The following TFEB variants were observed in gnomAD, a reference collection of about 807,000 sequenced individuals.
TFEB encodes the protein transcription factor EB.
In TFEB, 12 loss-of-function variants were observed where a neutral mutation model predicts 48.0. The observed-to-expected ratio is 0.25, with a 90% confidence interval of 0.16 to 0.40. TFEB has a LOEUF of 0.40. TFEB is among the 10% of genes least tolerant of loss of function. The probability of loss-of-function intolerance (pLI) is 1.00; values close to 1 mark genes in which losing one functional copy is unlikely to be tolerated. For missense variants in TFEB, 509 were observed against 640.3 expected (o/e 0.79, Z 2.21); for synonymous variants, 244 against 261.4 (o/e 0.93, Z 0.64).
chr6:41,714,541 T>TC (rs1192716990), intron 1 of TFEB, among the ~76,000 whole-genome samples: 2 of 152,198 alleles, frequency 1.3e-5, no homozygotes. Context: ...AGGTGCGGCC[T>TC]TGATGGTATC....
At chr6:41,702,140 GC>G (rs1158766170) in intron 1 of TFEB, among the ~76,000 whole-genome samples, 1 of 151,712 alleles carries the variant, frequency 6.6e-6, no homozygotes. Context: ...CCAGTCCTGC[GC>G]CCCCCTCATC....
At position 41,686,266 on chromosome 6, in the gene TFEB, G is replaced by A. The variant is rs891994588; in HGVS notation, c.804-29C>T. The stretch of plus-strand genomic sequence containing the variant: ...CAGCAGCAGGCCAGGCAAATTAGAG[G>A]TGCATGCTCAGAAGAGTGGCCAAAT... On this transcript the variant is annotated intron_variant, in intron 7 of 8. Coordinates refer to ENST00000373033, the MANE Select transcript of TFEB (RefSeq NM_001271944.2). 45 of 1,612,300 alleles carry A rather than the reference G, an allele frequency of 2.8e-5. No homozygotes were observed. The African/African-American group carries it at 5.5e-4, about 20-fold the overall frequency.
At position 41,697,408 on chromosome 6, in the gene TFEB, CAAA is replaced by C. The variant is rs56059829; in HGVS notation, c.-22-6176_-22-6174del. 6.1e-4 allele frequency among the ~76,000 whole-genome samples: 39 copies of C among 63,504 alleles called. 1 individual carries two copies. Among genetic ancestry groups the C allele is most frequent in the Admixed American group, 8.0e-4 (4 of 4,990 alleles). 41.7% of individuals were successfully genotyped at this position (63,504 alleles called of 152,430 possible). A position where few individuals can be genotyped will look rare whatever the true frequency, so the allele number is the denominator to read the frequency against. On this transcript the variant is annotated intron_variant, in intron 1 of 8. Transcript: ENST00000373033. ...GGGCAACAAGAGTGAAACTCCATCTCAAAAAAAAAAAAAAAAAAAGAATGAGGG... is the reference window on the plus strand; with the variant it reads ...GGGCAACAAGAGTGAAACTCCATCTCAAAAAAAAAAAAAAAAGAATGAGGG...
At position 41,691,764 on chromosome 6, in the gene TFEB, T is replaced by C. The variant is rs936347496; in HGVS notation, c.-22-529A>G. On this transcript the variant is annotated intron_variant, in intron 1 of 8. Transcript: ENST00000373033. This position sits in a 1 kb window ranked among gnomAD's most constrained non-coding sequence, Gnocchi z 5.2. ...CCCCTCTGCTCACAACTCCCCATGG[T>C]TCCCACCTTCCTCAGGGGAAAAGCT... Among the ~76,000 whole-genome samples the C allele has an allele frequency of 1.3e-5, 2 of 152,064 alleles. No individual in the cohort carries two copies. The highest frequency in any genetic ancestry group is 4.8e-5 in the African/African-American group (2 of 41,388).
At chr6:41,690,194 G>C (rs1470913767) in intron 3 of TFEB, among the ~76,000 whole-genome samples, 1 of 151,188 alleles carries the variant, frequency 6.6e-6, no homozygotes, top group Admixed American at 6.6e-5. Flanking sequence ...GCAGTGGCTC[G>C]ATCTCAGCTC....
At chr6:41,687,014 G>A in intron 7 of TFEB, 80 bp downstream of exon 7, 1 of 1,208,588 alleles carries the variant, frequency 8.3e-7, no homozygotes, top group Admixed American at 1.7e-5. Flanking sequence ...CTAGTAACTA[G>A]CATGGGGCTG....
Position 41,689,911 on chromosome 6 carries a change from A to G in TFEB, c.469-100T>C, listed in dbSNP as rs1039444617. ...CTGACCTGGAGGGACCTTGGAGCCC[A>G]CCTCACCCAACCTACTTATCTGGGG... On this transcript the variant is annotated intron_variant, in intron 3 of 8. Transcript: ENST00000373033. The G allele has an allele frequency of 7.1e-4, 559 of 791,418 alleles. 4 individuals carry two copies. The highest frequency in any genetic ancestry group is 1.9e-4 in the Admixed American group (9 of 47,082). The allele number at this position is 791,418 out of a possible 1,614,324, so 49.0% of individuals were successfully genotyped here. A position where few individuals can be genotyped will look rare whatever the true frequency, so the allele number is the denominator to read the frequency against.
chr6:41,732,453 A>G (rs1350580158), intron 1 of TFEB, among the ~76,000 whole-genome samples: 3 of 152,256 alleles, frequency 2.0e-5, no homozygotes, highest in African/African-American at 7.2e-5. Context: ...CAATCTTATT[A>G]TAATATTGTT....
At position 41,734,770 on chromosome 6, in the gene TFEB, G is replaced by T; in HGVS notation, c.-23+580C>A. Reference sequence around the variant, plus strand: ...AAGAGACCGAGCTGGAGGAAGGGACGGGAAGGGAGGGAGAGATGGTACTTC... The same window carrying T: ...AAGAGACCGAGCTGGAGGAAGGGACTGGAAGGGAGGGAGAGATGGTACTTC... On this transcript the variant is annotated intron_variant, in intron 1 of 8. Transcript: ENST00000373033. The surrounding 1 kb of genome is among the most constrained non-coding windows in gnomAD (Gnocchi z 4.0). 1.7e-6 allele frequency: 1 copy of T among 580,366 alleles called. No homozygotes were observed. Among genetic ancestry groups the T allele is most frequent in the Non-Finnish European group, 2.2e-6 (1 of 459,304 alleles). 36.0% of individuals were successfully genotyped at this position (580,366 alleles called of 1,614,324 possible).
intron 1 of TFEB, among the ~76,000 whole-genome samples, chr6:41,732,292 T>C (rs920427427): frequency 2.6e-5 from 4 of 152,188 alleles, no homozygotes; most frequent in African/African-American, 4.8e-5. Context: ...TTGGAGTCAA[T>C]TGGACCTAGG....
Position 41,684,660 on chromosome 6 carries a change from T to C in TFEB, c.1370A>G (p.Glu457Gly). 6.2e-7 allele frequency: 1 copy of C among 1,612,328 alleles called. No individual in the cohort carries two copies. Among genetic ancestry groups the C allele is most frequent in the South Asian group, 1.1e-5 (1 of 90,830 alleles). ...CCGGCGGCTGCTGGCCTTGGAGGCC[T>C]CGGGGGACATGGTGGACAGAAGTGG... ...SDPLLSTMSP[E>G]ASKASSRRSS... Residue 457 changes from glutamate to glycine, a missense_variant, in exon 9 of 9, where the codon GAG (glutamate) becomes GGG (glycine). Physicochemically the swap from Glu to Gly is moderately conservative, Grantham distance 98 (BLOSUM62 -2). Transcript: ENST00000373033.
At chr6:41,729,990 AG>A (rs1771384615) in intron 1 of TFEB, among the ~76,000 whole-genome samples, 1 of 152,214 alleles carries the variant, frequency 6.6e-6, no homozygotes, top group Admixed American at 6.5e-5. Context: ...TTCAAATTCT[AG>A]ACCACATGGA....
chr6:41,715,031 T>TG (rs1395598953), intron 1 of TFEB, among the ~76,000 whole-genome samples: 2 of 152,144 alleles, frequency 1.3e-5, no homozygotes, highest in Non-Finnish European at 2.9e-5. Context: ...AGCCGCTCCA[T>TG]GGAGCACCAG....
At chr6:41,686,369 G>A (rs920261918) in intron 7 of TFEB, 132 bp from the exon 8 acceptor site, 6 of 1,219,920 alleles carry the variant, frequency 4.9e-6, no homozygotes, top group Non-Finnish European at 6.8e-6. Context: ...GGAGGTGGAG[G>A]TGGCTGATCT....
chr6:41,735,467 C>T lies in TFEB; in HGVS notation c.-140G>A. ...CCACCTGCTCCCGGCCTGCTCCGGC[C>T]CCGTGCCACCAGGGAGGCCCGCCCC... On this transcript the variant is annotated 5_prime_UTR_variant, in exon 1 of 9. Coordinates refer to ENST00000373033, the MANE Select transcript of TFEB (RefSeq NM_001271944.2). 2 of 984,730 alleles carry T rather than the reference C, an allele frequency of 2.0e-6. No homozygotes were observed. The highest frequency in any genetic ancestry group is 2.4e-6 in the Non-Finnish European group (2 of 829,732). The allele number at this position is 984,730 out of a possible 1,614,324, so 61.0% of individuals were successfully genotyped here.
At chr6:41,692,062 G>A (rs1354293199) in intron 1 of TFEB, among the ~76,000 whole-genome samples, 1 of 152,014 alleles carries the variant, frequency 6.6e-6, no homozygotes, top group African/African-American at 2.4e-5. Flanking sequence ...AGACCTTCTA[G>A]GACCACCCTA....
At position 41,686,070 on chromosome 6, in the gene TFEB, G is replaced by A. The variant is rs1156552964; in HGVS notation, c.951+20C>T. On this transcript the variant is annotated intron_variant, in intron 8 of 8. Transcript: ENST00000373033. The stretch of plus-strand genomic sequence containing the variant: ...GTTAAGGGTCAGAGTTACCAAAGAA[G>A]TCCAAGTTCAGGACCAGACCTGGAT... 6.2e-7 allele frequency: 1 copy of A among 1,614,182 alleles called. No individual in the cohort carries two copies. The highest frequency in any genetic ancestry group is 8.5e-7 in the Non-Finnish European group (1 of 1,179,986).
In TFEB at chr6:41,723,186, C is replaced by T. The variant is rs1288395958; in HGVS notation, c.-23+12164G>A. On this transcript the variant is annotated intron_variant, in intron 1 of 8. Transcript: ENST00000373033. The surrounding 1 kb of genome is among the most constrained non-coding windows in gnomAD (Gnocchi z 6.0). ...CTGACTCCTGATTTCCCACGCTGTC[C>T]AACCTGCACTCCAGAGCTTGGCCAC... Among the ~76,000 whole-genome samples the T allele has an allele frequency of 1.3e-5, 2 of 152,084 alleles. No individual in the cohort carries two copies. Among genetic ancestry groups the T allele is most frequent in the African/African-American group, 4.8e-5 (2 of 41,384 alleles).
Position 41,686,247 on chromosome 6 carries a change from C to CAG in TFEB, c.804-12_804-11dup. On this transcript the variant is annotated splice_polypyrimidine_tract_variant and intron_variant, in intron 7 of 8. Transcript: ENST00000373033. ...GTTCCAGCGCACGTCCCTGCAGCAG[C>CAG]AGGCCAGGCAAATTAGAGGTGCATG... The CAG allele has an allele frequency of 1.9e-6, 3 of 1,613,578 alleles. No individual in the cohort carries two copies. Among genetic ancestry groups the CAG allele is most frequent in the Non-Finnish European group, 2.5e-6 (3 of 1,179,516 alleles).
Sources: gnomAD v4.1 joint callset for allele counts (sites outside exome capture counted in the v4.1 genomes callset) on GRCh38, gnomAD v4.1.1 for gene constraint, Gnocchi (gnomAD v3.1) non-coding constraint, MANE v1.5 for transcripts, NCBI Gene and HGNC (gene_info 2026-07-23, HGNC 2026-07-21) for gene names.